The following RSBN1L variants were observed in gnomAD, a reference collection of about 807,000 sequenced individuals.
RSBN1L encodes the protein lysine-specific demethylase RSBN1L.
A neutral mutation model predicts 67.7 loss-of-function variants in RSBN1L; 30 were observed. The observed-to-expected ratio is 0.44, with a 90% confidence interval of 0.33 to 0.60. The LOEUF is 0.60. Ranked by LOEUF, RSBN1L falls within the 20% of genes least tolerant of loss-of-function variation. The probability of loss-of-function intolerance (pLI) is 0.02; values close to 1 mark genes in which losing one functional copy is unlikely to be tolerated. For synonymous variants in RSBN1L, 433 were observed against 387.0 expected (o/e 1.12, Z -1.39); for missense variants, 992 against 1,031.7 (o/e 0.96, Z 0.53).
intron 2 of RSBN1L, among the ~76,000 whole-genome samples, chr7:77,746,497 A>C (rs1235930633): frequency 6.6e-6 from 1 of 152,218 alleles, no homozygotes; most frequent in Non-Finnish European, 1.5e-5. Flanking sequence ...ACAGTTCGAC[A>C]TGAGATTTGG....
intron 1 of RSBN1L, among the ~76,000 whole-genome samples, chr7:77,712,279 C>T (rs1790985205): frequency 6.6e-6 from 1 of 151,424 alleles, no homozygotes; most frequent in African/African-American, 2.4e-5. Flanking sequence ...CTTATATATA[C>T]ATACATGATT....
At position 77,782,031 on chromosome 7, in the gene RSBN1L, C is replaced by CA. The variant is rs1350036726; in HGVS notation, c.*2865dup. 1 of 150,026 alleles carries CA rather than the reference C, an allele frequency of 6.7e-6. No homozygotes were observed. The highest frequency in any genetic ancestry group is 2.5e-5 in the African/African-American group (1 of 40,792). 9.3% of individuals were successfully genotyped at this position (150,026 alleles called of 1,614,324 possible). A position where few individuals can be genotyped will look rare whatever the true frequency, so the allele number is the denominator to read the frequency against. On this transcript the variant is annotated 3_prime_UTR_variant, in exon 8 of 8. Transcript: ENST00000334955. ...AAGGTAAAGTATAAATCAGTGGGCT[C>CA]AAGATTTGCAGGTACAGCCTTGTTA...
rs1791155148 is a variant in RSBN1L, at chr7:77,723,846, A to G, written c.587-12564A>G. Among the ~76,000 whole-genome samples, 3 of 151,914 alleles carry G rather than the reference A, an allele frequency of 2.0e-5. 1 individual carries two copies. The South Asian group carries it at 6.3e-4, about 32-fold the overall frequency. On this transcript the variant is annotated intron_variant, in intron 1 of 7. Transcript: ENST00000334955. Reference sequence around the variant, plus strand: ...CTACTCGGGTGGCCGAGGCAAGAGAACTGCTTTAACCTGGGAGGCGGAGGT... The same window carrying G: ...CTACTCGGGTGGCCGAGGCAAGAGAGCTGCTTTAACCTGGGAGGCGGAGGT...
intron 4 of RSBN1L, among the ~76,000 whole-genome samples, chr7:77,767,883 G>C (rs1429009950): frequency 8.9e-6 from 1 of 112,656 alleles, no homozygotes. Flanking sequence ...TTGGAGTCTC[G>C]TTCTGTCACC....
chr7:77,774,779 G>A (rs943551829), intron 6 of RSBN1L, among the ~76,000 whole-genome samples: 2 of 152,154 alleles, frequency 1.3e-5, no homozygotes, highest in African/African-American at 4.8e-5. Context: ...TGCTTGCTTA[G>A]ATTTTTGTTT....
At chr7:77,706,258 A>G (rs1348476713) in intron 1 of RSBN1L, among the ~76,000 whole-genome samples, 1 of 151,922 alleles carries the variant, frequency 6.6e-6, no homozygotes, top group Non-Finnish European at 1.5e-5. Context: ...TTGTATTTTT[A>G]GTAGAGATGG....
chr7:77,736,243 A>G (rs1277132555), intron 1 of RSBN1L, among the ~76,000 whole-genome samples, 167 bp from the exon 2 acceptor site: 1 of 152,160 alleles, frequency 6.6e-6, no homozygotes, highest in African/African-American at 2.4e-5. Context: ...AAAAAGGGAA[A>G]TTTAGAAATA....
intron 1 of RSBN1L, among the ~76,000 whole-genome samples, chr7:77,710,658 C>T (rs1029813391): frequency 2.6e-5 from 4 of 151,922 alleles, no homozygotes; most frequent in South Asian, 2.1e-4. Flanking sequence ...TGTAGTGGCG[C>T]GATCTTGGCT....
rs1174324537 is a variant in RSBN1L at position 77,779,108 on chromosome 7, A to G, written c.2481A>G (p.Thr827=). Residue 827 remains threonine, a synonymous_variant, in exon 8 of 8, where the codon ACA becomes ACG. Transcript: ENST00000334955. The part of the protein sequence containing the change: ...LCPGNLSLVD[T]RQHSSAHSNQ... ...CTGGAAATCTAAGTCTAGTTGATAC[A>G]AGGCAACACAGTTCAGCACATTCAA... 6.2e-6 allele frequency: 10 copies of G among 1,613,650 alleles called. No homozygotes were observed. The highest frequency in any genetic ancestry group is 8.5e-6 in the Non-Finnish European group (10 of 1,179,654).
At chr7:77,735,385 C>T (rs1365560685) in intron 1 of RSBN1L, among the ~76,000 whole-genome samples, 1 of 152,046 alleles carries the variant, frequency 6.6e-6, no homozygotes, top group Non-Finnish European at 1.5e-5. Context: ...TGTGTTGGAT[C>T]CATTGGGTTA....
intron 1 of RSBN1L, among the ~76,000 whole-genome samples, chr7:77,716,622 A>ATG (rs1562795819): frequency 9.9e-6 from 1 of 101,296 alleles, no homozygotes; most frequent in African/African-American, 3.7e-5. Context: ...GTGTATCTTC[A>ATG]TCTTTTTTTT....
chr7:77,717,351 A>G (rs897223432), intron 1 of RSBN1L, among the ~76,000 whole-genome samples: 2 of 151,980 alleles, frequency 1.3e-5, no homozygotes, highest in African/African-American at 4.8e-5. Flanking sequence ...TTCCTAGTAT[A>G]TTTTTGTGAG....
At chr7:77,763,997 G>T (rs912309660) in intron 3 of RSBN1L, among the ~76,000 whole-genome samples, 1 of 152,208 alleles carries the variant, frequency 6.6e-6, no homozygotes, top group African/African-American at 2.4e-5. Context: ...TTCCTTAAAT[G>T]ATTTTGTATG....
At chr7:77,757,788 C>T (rs1419912655) in intron 3 of RSBN1L, among the ~76,000 whole-genome samples, 1 of 152,112 alleles carries the variant, frequency 6.6e-6, no homozygotes, top group Non-Finnish European at 1.5e-5. Flanking sequence ...TTAGCCTGGG[C>T]TCATTTGCAT....
intron 1 of RSBN1L, among the ~76,000 whole-genome samples, chr7:77,716,550 T>C (rs1791051363): frequency 6.6e-6 from 1 of 151,570 alleles, no homozygotes; most frequent in Admixed American, 6.6e-5. Context: ...ATTAAATTTA[T>C]TGATTAAACT....
At chr7:77,763,811 C>CA (rs1791727275) in intron 3 of RSBN1L, among the ~76,000 whole-genome samples, 2 of 152,164 alleles carry the variant, frequency 1.3e-5, no homozygotes, top group Admixed American at 1.3e-4. Flanking sequence ...TCCCACTTCT[C>CA]AAAGTGCTGG....
intron 1 of RSBN1L, among the ~76,000 whole-genome samples, chr7:77,701,339 G>A (rs1017792292): frequency 6.6e-6 from 1 of 151,912 alleles, no homozygotes; most frequent in East Asian, 1.9e-4. Context: ...TTATTTTTCC[G>A]GATCTCATGC....
intron 1 of RSBN1L, among the ~76,000 whole-genome samples, chr7:77,727,198 C>T (rs1791215908): frequency 6.6e-6 from 1 of 152,088 alleles, no homozygotes; most frequent in Non-Finnish European, 1.5e-5. Context: ...AGCGATTCTC[C>T]TGCCTCAGCC....
intron 2 of RSBN1L, among the ~76,000 whole-genome samples, chr7:77,740,030 G>A (rs1341038126): frequency 1.3e-5 from 2 of 151,790 alleles, no homozygotes; most frequent in African/African-American, 4.8e-5. Flanking sequence ...GGGATTATAG[G>A]CATGAGCCAC....
Sources: gnomAD v4.1 joint callset for allele counts (sites outside exome capture counted in the v4.1 genomes callset) on GRCh38, gnomAD v4.1.1 for gene constraint, MANE v1.5 for transcripts, NCBI Gene and HGNC (gene_info 2026-07-23, HGNC 2026-07-21) for gene names.